HIP1: variants seen among roughly 807,000 people sequenced by gnomAD.
The protein encoded by HIP1 is huntingtin-interacting protein 1.
HIP1 carries 65 observed loss-of-function variants against 147.6 expected under a neutral mutation model. The observed-to-expected ratio is 0.44, with a 90% CI of 0.36 to 0.54. The LOEUF is 0.54. Ranked by LOEUF, HIP1 falls within the 20% of genes least tolerant of loss-of-function variation. The pLI is 0.00. For missense variants in HIP1, 1,061 were observed against 1,299.6 expected, an observed-to-expected ratio of 0.82 and a Z score of 2.82; for synonymous variants, 479 against 504.0, an observed-to-expected ratio of 0.95 and a Z score of 0.67.
intron 1 of HIP1, among the ~76,000 whole-genome samples, chr7:75,640,768 AATAAT>A (rs1554510373): frequency 2.0e-4 from 30 of 149,468 alleles, no homozygotes; most frequent in African/African-American, 6.6e-4. Context: ...TAATAATAAT[AATAAT>A]AATAATAATA....
intron 1 of HIP1, among the ~76,000 whole-genome samples, chr7:75,736,685 A>G (rs1364880174): frequency 2.6e-5 from 4 of 152,160 alleles, no homozygotes; most frequent in African/African-American, 9.7e-5. Context: ...GGTCGGGTCC[A>G]TGAAACCAGA....
intron 1 of HIP1, among the ~76,000 whole-genome samples, chr7:75,702,430 G>A (rs1353389243): frequency 6.6e-6 from 1 of 151,938 alleles, no homozygotes; most frequent in African/African-American, 2.4e-5. Context: ...TTTTAGTAGA[G>A]ACAGGGTTTC....
chr7:75,728,456 G>A (rs1554522588), intron 1 of HIP1, among the ~76,000 whole-genome samples: 1 of 152,224 alleles, frequency 6.6e-6, no homozygotes, highest in Non-Finnish European at 1.5e-5. Flanking sequence ...CCTCCTTGAT[G>A]CAGGAGGAGA....
At position 75,598,883 on chromosome 7, in the gene HIP1, G is replaced by A. The variant is rs587659163; in HGVS notation, c.184+301C>T. On this transcript the variant is annotated intron_variant, in intron 2 of 30. Coordinates refer to ENST00000336926, the MANE Select transcript of HIP1 (RefSeq NM_005338.7). ...CATTGCACTCCAGCCTGGGCAACAC[G>A]GCAAGACCCCTTTTGGAAAAAGAAA... 4.6e-5 allele frequency among the ~76,000 whole-genome samples: 7 copies of A among 152,234 alleles called. 1 individual carries two copies. Among genetic ancestry groups the A allele is most frequent in the South Asian group, 2.1e-4 (1 of 4,820 alleles).
intron 22 of HIP1, among the ~76,000 whole-genome samples, chr7:75,551,530 T>G (rs1794783189): frequency 6.6e-6 from 1 of 151,028 alleles, no homozygotes; most frequent in Non-Finnish European, 1.5e-5. Context: ...CTTTTTATTT[T>G]TTCTTTTTAG....
At chr7:75,646,678 G>C (rs927946333) in intron 1 of HIP1, among the ~76,000 whole-genome samples, 3 of 152,234 alleles carry the variant, frequency 2.0e-5, no homozygotes, top group African/African-American at 4.8e-5. Context: ...GGCACAGCAA[G>C]GGCTGAGATC....
intron 4 of HIP1, among the ~76,000 whole-genome samples, chr7:75,589,717 A>AC (rs1796422656): frequency 6.3e-5 from 3 of 47,974 alleles, no homozygotes; most frequent in African/African-American, 1.0e-4. Flanking sequence ...AAAAAAAAAG[A>AC]CTTTTTTTTT....
At chr7:75,577,332 C>CAGAAAAAAAAA (rs1294877240) in intron 7 of HIP1, among the ~76,000 whole-genome samples, 2 of 96,880 alleles carry the variant, frequency 2.1e-5, no homozygotes, top group African/African-American at 7.5e-5. Flanking sequence ...ATCCCATCTC[C>CAGAAAAAAAAA]AAAAAAAAAA....
intron 1 of HIP1, among the ~76,000 whole-genome samples, chr7:75,679,670 A>C (rs2705796): frequency 0.59 from 87,153 of 148,010 alleles, 25,487 homozygotes; most frequent in African/African-American, 0.67. Flanking sequence ...TCCTTTCTCT[A>C]TTAATTTTCT....
chr7:75,687,740 C>A (rs1333752870), intron 1 of HIP1, among the ~76,000 whole-genome samples: 1 of 152,112 alleles, frequency 6.6e-6, no homozygotes, highest in Non-Finnish European at 1.5e-5. Flanking sequence ...CTGGCTCTTG[C>A]CAGTCTCTCC....
Position 75,555,559 on chromosome 7 carries a change from T to C in HIP1, c.1828-8A>G, listed in dbSNP as rs782192000. 22 of 1,613,922 alleles carry C rather than the reference T, an allele frequency of 1.4e-5. No individual in the cohort carries two copies. Among genetic ancestry groups the C allele is most frequent in the Admixed American group, 3.3e-5 (2 of 59,988 alleles). On this transcript the variant is annotated splice_region_variant and splice_polypyrimidine_tract_variant and intron_variant, in intron 18 of 30. Transcript: ENST00000336926. ...AAGCTGGCACATAGATTCCTAAAAA[T>C]GGTCCAGGGAGGTGAGAGTCTGCCC...
chr7:75,656,160 TTTATG>T (rs1407976252), intron 1 of HIP1, among the ~76,000 whole-genome samples: 8 of 151,954 alleles, frequency 5.3e-5, no homozygotes, highest in Non-Finnish European at 8.8e-5. Context: ...AATGGCAAAC[TTTATG>T]TTATATGTAT....
intron 4 of HIP1, among the ~76,000 whole-genome samples, chr7:75,589,619 G>T (rs946659553): frequency 1.4e-5 from 2 of 142,992 alleles, no homozygotes; most frequent in Admixed American, 1.5e-4. Flanking sequence ...GGTGGCGAAG[G>T]GTGCAGTGAG....
chr7:75,681,988 A>C, intron 1 of HIP1, among the ~76,000 whole-genome samples: 1 of 144,784 alleles, frequency 6.9e-6, no homozygotes, highest in Admixed American at 6.9e-5. Context: ...TTTAAATGGT[A>C]TGAAAGCTAT....
intron 1 of HIP1, among the ~76,000 whole-genome samples, chr7:75,622,241 C>T (rs1394701560): frequency 2.6e-5 from 4 of 151,778 alleles, no homozygotes; most frequent in South Asian, 4.2e-4. Flanking sequence ...CATGCCACTG[C>T]ACTCTAGCCT....
At chr7:75,573,615 A>G in intron 8 of HIP1, 146 bp downstream of exon 8, 1 of 779,152 alleles carries the variant, frequency 1.3e-6, no homozygotes, top group South Asian at 2.0e-5. Flanking sequence ...TATCCTCACA[A>G]TGGTCAGAAG....
chr7:75,557,821 C>T (rs782587957), intron 15 of HIP1, 51 bp from the exon 16 acceptor site: 3 of 1,337,866 alleles, frequency 2.2e-6, no homozygotes, highest in African/African-American at 2.9e-5. Context: ...GCTTAGAGGA[C>T]ATCCTCCTTC....
At chr7:75,711,846 G>C (rs781943653) in intron 1 of HIP1, among the ~76,000 whole-genome samples, 13 of 152,184 alleles carry the variant, frequency 8.5e-5, no homozygotes, top group Non-Finnish European at 1.6e-4. Flanking sequence ...ACTTGGGAGA[G>C]AGAGGGCTCC....
In HIP1 at chr7:75,678,202, G is replaced by A. The variant is rs193237590; in HGVS notation, c.120+60599C>T. ...TTCTTAAAAATGAAGTGGCCCCTAT[G>A]ATGAATTTGTGTTCTGTCAGCTTAG... On this transcript the variant is annotated intron_variant, in intron 1 of 30. Transcript: ENST00000336926. Among the ~76,000 whole-genome samples the A allele has an allele frequency of 3.7e-4, 57 of 152,200 alleles. No individual in the cohort carries two copies. The East Asian group carries it at 0.011, about 28-fold the overall frequency.
Sources: allele counts gnomAD v4.1 joint callset (sites outside exome capture counted in the v4.1 genomes callset), GRCh38; gene constraint gnomAD v4.1.1; transcripts MANE v1.5; gene names NCBI Gene and HGNC (gene_info 2026-07-23, HGNC 2026-07-21).